RBFOX1: variants seen among roughly 807,000 people sequenced by gnomAD.
RBFOX1 encodes RNA binding protein fox-1 homolog 1.
A neutral mutation model predicts 57.7 loss-of-function variants in RBFOX1; 8 were observed. That is an observed-to-expected ratio of 0.14 (90% confidence interval 0.08 to 0.25). The LOEUF is 0.25. Ranked by LOEUF, RBFOX1 falls within the 10% of genes least tolerant of loss-of-function variation. The pLI, the probability that RBFOX1 is intolerant of heterozygous loss-of-function variation, is 1.00. For synonymous variants in RBFOX1, 326 were observed against 222.4 expected (o/e 1.47, Z -4.15); for missense variants, 611 against 548.5 (o/e 1.11, Z -1.14).
chr16:7,709,625 C>A lies in RBFOX1; in HGVS notation c.1071+494C>A, dbSNP rs1277262326. On this transcript the variant is annotated intron_variant, in intron 15 of 15. Transcript: ENST00000550418. ...CAATTCATGTTTAAAGTCATAGTCGCCCAGGAAAGAAAATAGAGAGGGGCA... is the reference window on the plus strand; with the variant it reads ...CAATTCATGTTTAAAGTCATAGTCGACCAGGAAAGAAAATAGAGAGGGGCA... 8 of 1,531,732 alleles carry A rather than the reference C, an allele frequency of 5.2e-6. No homozygotes were observed. The South Asian group carries it at 8.3e-5, about 16-fold the overall frequency. The allele number at this position is 1,531,732 out of a possible 1,614,324, so 94.9% of individuals were successfully genotyped here. A position where few individuals can be genotyped will look rare whatever the true frequency, so the allele number is the denominator to read the frequency against.
intron 4 of RBFOX1, among the ~76,000 whole-genome samples, chr16:5,885,147 G>A (rs1010208065): frequency 6.6e-6 from 1 of 152,112 alleles, no homozygotes; most frequent in Non-Finnish European, 1.5e-5. Flanking sequence ...TCCAAGGTAA[G>A]GGTGGCAGCT....
chr16:7,157,156 C>G (rs1175316250), intron 4 of RBFOX1, among the ~76,000 whole-genome samples: 1 of 152,178 alleles, frequency 6.6e-6, no homozygotes, highest in African/African-American at 2.4e-5. Context: ...ATAAGGGAAG[C>G]AAACTCACCT....
chr16:6,730,590 A>G (rs7196371), intron 3 of RBFOX1, among the ~76,000 whole-genome samples: 7,251 of 152,200 alleles, frequency 0.048, 274 homozygotes, highest in African/African-American at 0.1. Context: ...TGAAAAAGGG[A>G]TTGGATTCAG....
chr16:6,387,290 G>C (rs2092345107), intron 2 of RBFOX1, among the ~76,000 whole-genome samples: 1 of 152,026 alleles, frequency 6.6e-6, no homozygotes, highest in Non-Finnish European at 1.5e-5. Context: ...AAAAGAAGTT[G>C]AGATGCATTT....
intron 4 of RBFOX1, among the ~76,000 whole-genome samples, chr16:7,296,846 GA>G (rs2095903036): frequency 6.6e-6 from 1 of 152,128 alleles, no homozygotes; most frequent in Non-Finnish European, 1.5e-5. Flanking sequence ...CTACTTGGAG[GA>G]ATACAGGAGT....
Position 6,809,734 on chromosome 16 carries a change from G to T in RBFOX1, c.-16+155084G>T, listed in dbSNP as rs144997950. Among the ~76,000 whole-genome samples, 103 of 152,234 alleles carry T rather than the reference G, an allele frequency of 6.8e-4. 1 individual carries two copies. The East Asian group carries it at 8.9e-3, about 13-fold the overall frequency. On this transcript the variant is annotated intron_variant, in intron 3 of 15. Coordinates refer to ENST00000550418, the MANE Select transcript of RBFOX1 (RefSeq NM_018723.4). ...TGTCTCTGAATTGGTCTTTCTCAGC[G>T]ACAGAGTTATTTATGAGATGGGGCA...
chr16:6,501,713 C>T (rs926222349), intron 2 of RBFOX1, among the ~76,000 whole-genome samples: 1 of 152,114 alleles, frequency 6.6e-6, no homozygotes, highest in African/African-American at 2.4e-5. Context: ...TCACCCAGTC[C>T]ACTGACCTGT....
chr16:6,900,127 C>G (rs544309631), intron 3 of RBFOX1, among the ~76,000 whole-genome samples: 1 of 151,346 alleles, frequency 6.6e-6, no homozygotes, highest in Non-Finnish European at 1.5e-5. Flanking sequence ...TTGAGTTTTT[C>G]TTTAGTTATT....
chr16:6,121,485 C>T (rs371310862), intron 1 of RBFOX1, among the ~76,000 whole-genome samples: 1 of 152,194 alleles, frequency 6.6e-6, no homozygotes. Context: ...GTACCCAGTA[C>T]CCCCAAATTC....
chr16:7,056,489 G>C (rs1361538658), intron 4 of RBFOX1, among the ~76,000 whole-genome samples: 1 of 152,138 alleles, frequency 6.6e-6, no homozygotes, highest in East Asian at 1.9e-4. Context: ...ACAGGTTATG[G>C]TGATAGTCGT....
At chr16:7,309,465 A>T (rs546633100) in intron 4 of RBFOX1, among the ~76,000 whole-genome samples, 1 of 152,178 alleles carries the variant, frequency 6.6e-6, no homozygotes, top group African/African-American at 2.4e-5. Context: ...TCTGCCTGCC[A>T]TTTTGAGGCA....
intron 4 of RBFOX1, among the ~76,000 whole-genome samples, chr16:7,183,827 G>A (rs1156783803): frequency 2.0e-5 from 3 of 152,166 alleles, no homozygotes; most frequent in Non-Finnish European, 2.9e-5. Context: ...CCTATTGTCA[G>A]GTGTGGTTTT....
chr16:7,652,950 G>A (rs1442306044), intron 11 of RBFOX1, among the ~76,000 whole-genome samples: 1 of 152,124 alleles, frequency 6.6e-6, no homozygotes, highest in African/African-American at 2.4e-5. Flanking sequence ...AAATAGGATG[G>A]GGGAAAGTTA....
At chr16:5,376,973 T>G (rs1322721944) in intron 1 of RBFOX1, among the ~76,000 whole-genome samples, 1 of 150,830 alleles carries the variant, frequency 6.6e-6, no homozygotes, top group African/African-American at 2.5e-5. Flanking sequence ...AAGTCTCTTC[T>G]GCACTCAGGG....
chr16:7,255,039 A>G (rs1160302122), intron 4 of RBFOX1, among the ~76,000 whole-genome samples: 1 of 152,160 alleles, frequency 6.6e-6, no homozygotes, highest in Non-Finnish European at 1.5e-5. Context: ...GGAACTTTAT[A>G]ACAGTAGTGT....
At chr16:7,248,367 A>T (rs1022017342) in intron 4 of RBFOX1, among the ~76,000 whole-genome samples, 1 of 152,164 alleles carries the variant, frequency 6.6e-6, no homozygotes, top group Non-Finnish European at 1.5e-5. Context: ...TTCTAGTAGG[A>T]TGCCCTATGT....
At chr16:6,719,674 C>G (rs1247729390) in intron 3 of RBFOX1, among the ~76,000 whole-genome samples, 1 of 151,852 alleles carries the variant, frequency 6.6e-6, no homozygotes, top group African/African-American at 2.4e-5. Context: ...TCTTGATCTC[C>G]TGACCTTGTG....
rs528071575 is a variant in RBFOX1 at position 7,139,057 on chromosome 16, C to A, written c.27+86959C>A. 4.6e-5 allele frequency among the ~76,000 whole-genome samples: 7 copies of A among 152,128 alleles called. 1 individual carries two copies. In the East Asian group the frequency reaches 1.4e-3, roughly 29 times the overall value. ...GGCCCCAAGTGATCTGCCTTCCTTGCCCTCCCAAAGTGCTGGGATTACAGG... is the reference window on the plus strand; with the variant it reads ...GGCCCCAAGTGATCTGCCTTCCTTGACCTCCCAAAGTGCTGGGATTACAGG... On this transcript the variant is annotated intron_variant, in intron 4 of 15. Coordinates refer to ENST00000550418, the MANE Select transcript of RBFOX1 (RefSeq NM_018723.4).
At chr16:6,832,960 C>A (rs2092815942) in intron 3 of RBFOX1, among the ~76,000 whole-genome samples, 1 of 152,118 alleles carries the variant, frequency 6.6e-6, no homozygotes, top group African/African-American at 2.4e-5. Context: ...AATACAGTCA[C>A]ACAAATTGAT....
Sources: gnomAD v4.1 joint callset for allele counts (sites outside exome capture counted in the v4.1 genomes callset) on GRCh38, gnomAD v4.1.1 for gene constraint, MANE v1.5 for transcripts, NCBI Gene and HGNC (gene_info 2026-07-23, HGNC 2026-07-21) for gene names.